The following HECW1 variants were observed in gnomAD, a reference collection of about 807,000 sequenced individuals.
HECW1 encodes the protein E3 ubiquitin-protein ligase HECW1.
HECW1 carries 61 observed loss-of-function variants against 182.3 expected under a neutral mutation model. The ratio of observed to expected loss-of-function variants is 0.33; its 90% CI spans 0.27 to 0.41. The LOEUF is 0.41. Among genes scored for constraint, HECW1 ranks in the 10% least tolerant of loss-of-function variants. HECW1 has a pLI of 1.00. For synonymous variants in HECW1, 859 were observed against 832.6 expected, an observed-to-expected ratio of 1.03 and a Z score of -0.55; for missense variants, 1,739 against 2,108.9, an observed-to-expected ratio of 0.82 and a Z score of 3.44.
At position 43,206,657 on chromosome 7, in the gene HECW1, G is replaced by A. The variant is rs1222850927; in HGVS notation, c.-31-37218G>A. On this transcript the variant is annotated intron_variant, in intron 2 of 29. Coordinates refer to ENST00000395891, the MANE Select transcript of HECW1 (RefSeq NM_015052.5). ...GCTTCCCTCCCCCACCTCCCATACT[G>A]GGTGCTGGGTGCTGCTTTTATTTCC... Among the ~76,000 whole-genome samples the A allele has an allele frequency of 3.3e-5, 5 of 152,188 alleles. No homozygotes were observed. The South Asian group carries it at 1.0e-3, about 32-fold the overall frequency.
At chr7:43,356,246 A>G (rs1815118074) in intron 5 of HECW1, among the ~76,000 whole-genome samples, 1 of 152,190 alleles carries the variant, frequency 6.6e-6, no homozygotes. Flanking sequence ...CATAAAGGGC[A>G]AGAGTACCTA....
intron 29 of HECW1, among the ~76,000 whole-genome samples, chr7:43,557,430 C>T (rs1039797559): frequency 6.6e-6 from 1 of 152,194 alleles, no homozygotes; most frequent in African/African-American, 2.4e-5. Flanking sequence ...CCCCTGCCTG[C>T]TAAAAGATGT....
At chr7:43,380,368 T>C (rs900640412) in intron 6 of HECW1, among the ~76,000 whole-genome samples, 2 of 152,134 alleles carry the variant, frequency 1.3e-5, no homozygotes, top group Non-Finnish European at 2.9e-5. Context: ...CCAGCCTCTT[T>C]GAGTTTCTTT....
At chr7:43,458,337 G>A (rs1434968475) in intron 13 of HECW1, among the ~76,000 whole-genome samples, 1 of 152,208 alleles carries the variant, frequency 6.6e-6, no homozygotes, top group African/African-American at 2.4e-5. Context: ...GCAGAAGGAA[G>A]CACCTTGACC....
intron 3 of HECW1, among the ~76,000 whole-genome samples, chr7:43,284,682 C>A (rs1246361266): frequency 6.6e-6 from 1 of 152,106 alleles, no homozygotes; most frequent in Non-Finnish European, 1.5e-5. Context: ...TCAAATGTAT[C>A]CTTTGACCAA....
intron 3 of HECW1, among the ~76,000 whole-genome samples, chr7:43,264,716 C>A (rs138567715): frequency 3.1e-3 from 476 of 151,934 alleles, no homozygotes; most frequent in Non-Finnish European, 5.1e-3. Context: ...TGGTGGCGGG[C>A]ACCTGTAGTC....
chr7:43,500,765 T>A lies in HECW1; in HGVS notation c.3504T>A (p.Asp1168Glu), dbSNP rs1400588234. 1 of 1,613,728 alleles carries A rather than the reference T, an allele frequency of 6.2e-7. No individual in the cohort carries two copies. The highest frequency in any genetic ancestry group is 8.5e-7 in the Non-Finnish European group (1 of 1,179,698). The change falls in exon 20 of 30, where the codon GAT (aspartate) becomes GAA (glutamate). Residue 1168 changes from aspartate to glutamate, a missense_variant. Asp to Glu is a conservative substitution (Grantham distance 45, BLOSUM62 2). Transcript: ENST00000395891. ...HGLEKLSCDA[D>E]LVILLSLFEE... is the part of the protein sequence containing the mutation. Reference sequence around the variant, plus strand: ...TTGAGAAGTTGTCCTGTGATGCGGATCTGGTCATTTTGCTGAGGTAGGGGG... The same window carrying A: ...TTGAGAAGTTGTCCTGTGATGCGGAACTGGTCATTTTGCTGAGGTAGGGGG...
At chr7:43,264,171 G>A (rs1002832525) in intron 3 of HECW1, among the ~76,000 whole-genome samples, 12 of 152,118 alleles carry the variant, frequency 7.9e-5, no homozygotes, top group South Asian at 2.1e-4. Context: ...ACCATACTTC[G>A]CAATAGATCT....
At chr7:43,171,494 C>T (rs577380596) in intron 2 of HECW1, among the ~76,000 whole-genome samples, 1 of 152,200 alleles carries the variant, frequency 6.6e-6, no homozygotes, top group African/African-American at 2.4e-5. Flanking sequence ...CAAGGAAAGA[C>T]GACCCTCAGG....
rs759454502 is a variant in HECW1, at chr7:43,463,724, T to C, written c.2716T>C (p.Cys906Arg). ...RSEEDSGSQS[C>R]EQAPAGGGGG... is the part of the protein sequence containing the mutation. ...CGAAGAAGATTCTGGCAGCCAAAGC[T>C]GCGAGCAAGCCCCAGCAGGAGGAGG... Residue 906 changes from cysteine (C) to arginine (R), a missense_variant, in exon 14 of 30, where the codon TGC becomes CGC. Transcript: ENST00000395891. The C allele has an allele frequency of 3.7e-6, 6 of 1,614,034 alleles. No individual in the cohort carries two copies. In the South Asian group the frequency reaches 5.5e-5, roughly 15 times the overall value.
At chr7:43,559,011 C>T (rs1008078039) in intron 29 of HECW1, among the ~76,000 whole-genome samples, 1 of 152,152 alleles carries the variant, frequency 6.6e-6, no homozygotes, top group Non-Finnish European at 1.5e-5. Context: ...CTTACATAAC[C>T]GGCTGAACAA....
At position 43,562,590 on chromosome 7, in the gene HECW1, C is replaced by T. The variant is rs1176267806; in HGVS notation, c.*664C>T. On this transcript the variant is annotated 3_prime_UTR_variant, in exon 30 of 30. Transcript: ENST00000395891. ...CTAACGATTAACAACAGCAAGAAAA[C>T]ACCTGCTGCTGATGCAATGCAATGC... 1.3e-5 allele frequency: 3 copies of T among 228,416 alleles called. No homozygotes were observed. The highest frequency in any genetic ancestry group is 2.6e-5 in the Non-Finnish European group (3 of 114,796). The allele number at this position is 228,416 out of a possible 1,614,324, so 14.1% of individuals were successfully genotyped here.
chr7:43,169,731 C>CA (rs1178492264), intron 2 of HECW1, among the ~76,000 whole-genome samples: 1 of 145,602 alleles, frequency 6.9e-6, no homozygotes, highest in East Asian at 2.0e-4. Flanking sequence ...CGCTGTCGCC[C>CA]AGGCTAGAGT....
At position 43,564,784 on chromosome 7, in the gene HECW1, G is replaced by T. The variant is rs935547315; in HGVS notation, c.*2858G>T. 1 of 181,124 alleles carries T rather than the reference G, an allele frequency of 5.5e-6. No individual in the cohort carries two copies. Among genetic ancestry groups the T allele is most frequent in the African/African-American group, 2.3e-5 (1 of 42,562 alleles). 11.2% of individuals were successfully genotyped at this position (181,124 alleles called of 1,614,324 possible). On this transcript the variant is annotated 3_prime_UTR_variant, in exon 30 of 30. Transcript: ENST00000395891. Reference sequence around the variant, plus strand: ...TTTTCATTCAATATGTATATGAAATGAAATAGCTATAGAACTAAATTTCAC... The same window carrying T: ...TTTTCATTCAATATGTATATGAAATTAAATAGCTATAGAACTAAATTTCAC...
At chr7:43,392,009 G>C (rs1386188760) in intron 6 of HECW1, among the ~76,000 whole-genome samples, 1 of 152,118 alleles carries the variant, frequency 6.6e-6, no homozygotes, top group Non-Finnish European at 1.5e-5. Context: ...ATGCAAAGTG[G>C]AACTCGTAAT....
intron 7 of HECW1, among the ~76,000 whole-genome samples, 177 bp downstream of exon 7, chr7:43,397,066 G>C (rs922487760): frequency 8.5e-5 from 13 of 152,170 alleles, no homozygotes; most frequent in African/African-American, 2.9e-4. Flanking sequence ...GACCACATAA[G>C]GATAATAGAG....
At chr7:43,114,937 T>G (rs989985622) in intron 2 of HECW1, among the ~76,000 whole-genome samples, 4 of 152,242 alleles carry the variant, frequency 2.6e-5, no homozygotes, top group African/African-American at 7.2e-5. Flanking sequence ...ATGGATGTAT[T>G]ACAAGATCAC....
chr7:43,527,239 A>C (rs2080795084), intron 24 of HECW1, among the ~76,000 whole-genome samples: 1 of 152,206 alleles, frequency 6.6e-6, no homozygotes, highest in Non-Finnish European at 1.5e-5. Flanking sequence ...GAGGAGGGCT[A>C]TGCTGCGGGT....
At chr7:43,415,012 C>A (rs1341060839) in intron 8 of HECW1, among the ~76,000 whole-genome samples, 1 of 151,998 alleles carries the variant, frequency 6.6e-6, no homozygotes, top group Admixed American at 6.6e-5. Flanking sequence ...TTAATTGGAG[C>A]ATTTAGCCCA....
Sources: allele counts gnomAD v4.1 joint callset (sites outside exome capture counted in the v4.1 genomes callset), GRCh38; gene constraint gnomAD v4.1.1; transcripts MANE v1.5; gene names NCBI Gene and HGNC (gene_info 2026-07-23, HGNC 2026-07-21).